Variants in TONSL observed in about 807,000 individuals in gnomAD.
TONSL encodes tonsoku-like protein.
Under a neutral mutation model 147.1 loss-of-function variants are expected in TONSL, and 112 were observed. The ratio of observed to expected loss-of-function variants is 0.76; its 90% CI spans 0.65 to 0.89. TONSL has a LOEUF of 0.89. Among genes scored for constraint, TONSL ranks in the 40% least tolerant of loss-of-function variants. TONSL has a pLI of 0.00. For missense variants in TONSL, 1,883 were observed against 1,864.6 expected, an observed-to-expected ratio of 1.01 and a Z score of -0.18; for synonymous variants, 868 against 801.5, an observed-to-expected ratio of 1.08 and a Z score of -1.40.
In TONSL at chr8:144,432,356, C is replaced by G. The variant is rs782133688; in HGVS notation, c.3664G>C (p.Glu1222Gln). The change falls in exon 23 of 26, where the codon GAG becomes CAG. Residue 1222 changes from glutamate (E) to glutamine (Q), a missense_variant. Physicochemically the swap from Glu to Gln is conservative, Grantham distance 29 (BLOSUM62 2). Coordinates refer to ENST00000409379, the MANE Select transcript of TONSL (RefSeq NM_013432.5). ...SLPAGTLLHL[E>Q]LSSVAAGKGD... ...TTGCCGGCTGCCACGGAGCTGAGCT[C>G]TAAGTGCAGGAGGGTGCCGGCGGGC... The G allele has an allele frequency of 6.2e-7, 1 of 1,613,436 alleles. No individual in the cohort carries two copies. The highest frequency in any genetic ancestry group is 1.3e-5 in the African/African-American group (1 of 74,908).
At position 144,441,059 on chromosome 8, in the gene TONSL, G is replaced by T. The variant is rs1013905857; in HGVS notation, c.918C>A (p.Asp306Glu). The change falls in exon 8 of 26, where the codon GAC (aspartate) becomes GAA (glutamate). Residue 306 changes from aspartate to glutamate, a missense_variant. Transcript: ENST00000409379. ...QQQLEEAEGR[D>E]PQGAMVICEQ... ...CACAGATGACCATGGCACCCTGAGG[G>T]TCTCTGCCCTCAGCCTCTTCCAGCT... The T allele has an allele frequency of 3.1e-6, 5 of 1,612,802 alleles. No individual in the cohort carries two copies. Among genetic ancestry groups the T allele is most frequent in the African/African-American group, 2.7e-5 (2 of 74,914 alleles).
intron 13 of TONSL, 30 bp downstream of exon 13, chr8:144,438,441 G>A: frequency 1.2e-6 from 2 of 1,605,744 alleles, no homozygotes; most frequent in Non-Finnish European, 1.7e-6. Flanking sequence ...ATGCTAGGCA[G>A]CCTGTCCCAC....
Position 144,433,561 on chromosome 8 carries a change from T to C in TONSL, c.3559+27A>G, listed in dbSNP as rs149091726. ...CCCTCAATGCCCCAGGGCTAGGGAG[T>C]GGACAGGGAGTGCCTGGTCAGCTCA... On this transcript the variant is annotated intron_variant, in intron 22 of 25. Coordinates refer to ENST00000409379, the MANE Select transcript of TONSL (RefSeq NM_013432.5). 2.5e-4 allele frequency: 410 copies of C among 1,609,226 alleles called. 3 individuals carry two copies. In the African/African-American group the frequency reaches 5.0e-3, roughly 20 times the overall value.
intron 4 of TONSL, 98 bp downstream of exon 4, chr8:144,443,040 C>T (rs1823779283): frequency 1.4e-6 from 2 of 1,406,132 alleles, no homozygotes; most frequent in Admixed American, 2.3e-5. Flanking sequence ...GGGAGGGCTC[C>T]AGAAGACGGG....
Position 144,442,711 on chromosome 8 carries a change from T to C in TONSL, c.544A>G (p.Asn182Asp). 6.2e-7 allele frequency: 1 copy of C among 1,612,980 alleles called. No individual in the cohort carries two copies. Among genetic ancestry groups the C allele is most frequent in the Non-Finnish European group, 8.5e-7 (1 of 1,179,918 alleles). Residue 182 changes from asparagine to aspartate, a missense_variant, in exon 5 of 26, where the codon AAC (asparagine) becomes GAC (aspartate). Asn to Asp is a conservative substitution (Grantham distance 23). Coordinates refer to ENST00000409379, the MANE Select transcript of TONSL (RefSeq NM_013432.5). ...AAGATGCTCTTCCTGAAGTAATCGT[T>C]GCACAGGGCTGTCTGCTGCAGGCTC... is the stretch of plus-strand genomic sequence containing the variant. ...FESLQQTALC[N>D]DYFRKSIFLA... is the part of the protein sequence containing the mutation.
rs370640264 is a variant in TONSL at position 144,431,073 on chromosome 8, G to A, written c.3809+5C>T. Reference sequence around the variant, plus strand: ...GGTCAGCAGGCAGCAGGGAAAGGGCGTTACCTGCACAGGTCTCTAACAGCC... The same window carrying A: ...GGTCAGCAGGCAGCAGGGAAAGGGCATTACCTGCACAGGTCTCTAACAGCC... On this transcript the variant is annotated splice_donor_5th_base_variant and intron_variant, in intron 24 of 25. Coordinates refer to ENST00000409379, the MANE Select transcript of TONSL (RefSeq NM_013432.5). 6.1e-4 allele frequency: 982 copies of A among 1,613,958 alleles called. 3 individuals are homozygous for A. The highest frequency in any genetic ancestry group is 8.0e-4 in the Non-Finnish European group (946 of 1,179,958).
In TONSL at chr8:144,433,817, T is replaced by C. The variant is rs554155655; in HGVS notation, c.3388-58A>G. On this transcript the variant is annotated intron_variant, in intron 21 of 25. Coordinates refer to ENST00000409379, the MANE Select transcript of TONSL (RefSeq NM_013432.5). ...AGCAGTCCCACGGACAGGGTCCCCC[T>C]TGGGGCTTGGCTTGGCAGTCTCTTC... 7 of 1,508,542 alleles carry C rather than the reference T, an allele frequency of 4.6e-6. No homozygotes were observed. The African/African-American group carries it at 9.8e-5, about 21-fold the overall frequency. The allele number at this position is 1,508,542 out of a possible 1,614,324, so 93.4% of individuals were successfully genotyped here. A position where few individuals can be genotyped will look rare whatever the true frequency, so the allele number is the denominator to read the frequency against.
rs1299208746 is a variant in TONSL, at chr8:144,442,825, A to G, written c.449-19T>C. ...AGTGTCCCTGGAAGATACCCCCCCA[A>G]ACACTCAGCCACTTCCTCCCCACAT... On this transcript the variant is annotated intron_variant, in intron 4 of 25. Transcript: ENST00000409379. The G allele has an allele frequency of 1.2e-6, 2 of 1,603,694 alleles. No individual in the cohort carries two copies. Among genetic ancestry groups the G allele is most frequent in the African/African-American group, 2.7e-5 (2 of 74,568 alleles).
At chr8:144,432,564 C>T (rs566957020) in intron 22 of TONSL, 104 bp from the exon 23 acceptor site, 33 of 1,169,396 alleles carry the variant, frequency 2.8e-5, no homozygotes, top group Admixed American at 2.4e-4. Context: ...AAACCACTAC[C>T]GCAGTGCTCG....
At chr8:144,441,824 C>A (rs1350203352) in intron 7 of TONSL, 11 of 534,426 alleles carry the variant, frequency 2.1e-5, no homozygotes, top group Non-Finnish European at 3.6e-5. Context: ...GCCCCTGACA[C>A]ACTGTGTTGA....
rs753360396 is a variant in TONSL at position 144,442,656 on chromosome 8, T to C, written c.578+21A>G. 3.1e-6 allele frequency: 5 copies of C among 1,608,064 alleles called. No individual in the cohort carries two copies. In the South Asian group the frequency reaches 5.5e-5, roughly 18 times the overall value. On this transcript the variant is annotated intron_variant, in intron 5 of 25. Transcript: ENST00000409379. ...AGGAACAAGGGACTCCACTCCCTCC[T>C]GGGGCGGGGCAGGGCCTTACTCCGC...
chr8:144,435,646 C>A lies in TONSL; in HGVS notation c.2775+12G>T. 1 of 1,594,210 alleles carries A rather than the reference C, an allele frequency of 6.3e-7. No homozygotes were observed. The highest frequency in any genetic ancestry group is 1.1e-5 in the South Asian group (1 of 89,878). Reference sequence around the variant, plus strand: ...GTGGGGAGAGGGCTCTGCTCCAGGTCTGCATACCCACCAAGGGCTGGCCTG... The same window carrying A: ...GTGGGGAGAGGGCTCTGCTCCAGGTATGCATACCCACCAAGGGCTGGCCTG... On this transcript the variant is annotated intron_variant, in intron 17 of 25. Coordinates refer to ENST00000409379, the MANE Select transcript of TONSL (RefSeq NM_013432.5).
chr8:144,443,928 A>G lies in TONSL; in HGVS notation c.218T>C (p.Ile73Thr). The change falls in exon 3 of 26, where the codon ATC becomes ACC. Residue 73 changes from isoleucine (I) to threonine (T), a missense_variant. Coordinates refer to ENST00000409379, the MANE Select transcript of TONSL (RefSeq NM_013432.5). ...PLGCAVAHRK[I>T]GERLAEMEDY... ...CTCCATCTCGGCCAGGCGCTCTCCG[A>G]TCTTGCGGTGGGCCACGGCACAGCC... 6.5e-7 allele frequency: 1 copy of G among 1,544,918 alleles called. No individual in the cohort carries two copies. The highest frequency in any genetic ancestry group is 1.4e-5 in the African/African-American group (1 of 73,150).
chr8:144,433,803 G>A (rs781915337), intron 21 of TONSL, 44 bp from the exon 22 acceptor site: 39 of 1,525,608 alleles, frequency 2.6e-5, no homozygotes, highest in Admixed American at 1.5e-4. Context: ...GCAGTCCCAC[G>A]GACAGGGTCC....
Position 144,436,678 on chromosome 8 carries a change from G to A in TONSL, c.1894C>T (p.Leu632Phe). The A allele has an allele frequency of 2.5e-6, 4 of 1,611,968 alleles. No individual in the cohort carries two copies. Among genetic ancestry groups the A allele is most frequent in the East Asian group, 2.2e-5 (1 of 44,890 alleles). Residue 632 changes from leucine (L) to phenylalanine (F), a missense_variant, in exon 16 of 26, where the codon CTC becomes TTC. Leu to Phe is a conservative substitution (Grantham distance 22, BLOSUM62 0). Transcript: ENST00000409379. ...ASVTLRTRKG[L>F]SPLETLQQWV... Reference sequence around the variant, plus strand: ...TGCTGCAGCGTCTCCAGCGGGCTGAGGCCCTGTGTGGCATCAGTTGAGCAG... The same window carrying A: ...TGCTGCAGCGTCTCCAGCGGGCTGAAGCCCTGTGTGGCATCAGTTGAGCAG...
rs756684537 is a variant in TONSL, at chr8:144,435,700, G to A, written c.2733C>T (p.Val911=). The A allele has an allele frequency of 6.2e-7, 1 of 1,611,216 alleles. No homozygotes were observed. Among genetic ancestry groups the A allele is most frequent in the South Asian group, 1.1e-5 (1 of 91,050 alleles). ...CAGAGCTGTCCCCACTGGGCTCTGAGACCCTGGGGGTGCTGGGGCTCCCTG... is the reference window on the plus strand; with the variant it reads ...CAGAGCTGTCCCCACTGGGCTCTGAAACCCTGGGGGTGCTGGGGCTCCCTG... The part of the protein sequence containing the change: ...EPPGSPSTPR[V]SEPSGDSSAA... The change falls in exon 17 of 26, where the codon GTC becomes GTT. Residue 911 remains valine (V), a synonymous_variant. Coordinates refer to ENST00000409379, the MANE Select transcript of TONSL (RefSeq NM_013432.5).
chr8:144,433,267 G>A (rs1175357353), intron 22 of TONSL: 2 of 215,754 alleles, frequency 9.3e-6, no homozygotes, highest in South Asian at 7.1e-5. Flanking sequence ...TAATAGAGAC[G>A]GCGTTTCACC....
rs772291883 is a variant in TONSL, at chr8:144,435,766, C to T, written c.2667G>A (p.Ala889=). 1.7e-5 allele frequency: 28 copies of T among 1,612,754 alleles called. No homozygotes were observed. Among genetic ancestry groups the T allele is most frequent in the Middle Eastern group, 1.6e-4 (1 of 6,084 alleles). The change falls in exon 17 of 26, where the codon GCG becomes GCA. Residue 889 remains alanine (A), a synonymous_variant. Transcript: ENST00000409379. ...VRLTCMQSCS[A]PVNAGPSSLA... ...GGCTGCTGGGCCCTGCGTTAACTGG[C>T]GCACTGCAACTCTGCATGCAGGTCA... is the stretch of plus-strand genomic sequence containing the variant.
chr8:144,438,515 A>G lies in TONSL; in HGVS notation c.1609T>C (p.Cys537Arg), dbSNP rs2129662925. 1 of 1,613,042 alleles carries G rather than the reference A, an allele frequency of 6.2e-7. No individual in the cohort carries two copies. Among genetic ancestry groups the G allele is most frequent in the Non-Finnish European group, 8.5e-7 (1 of 1,179,922 alleles). The change falls in exon 13 of 26, where the codon TGC becomes CGC. Residue 537 changes from cysteine (C) to arginine (R), a missense_variant. Transcript: ENST00000409379. ...DMGETLLHRA[C>R]IEGQLRRVQD... ...ACGCGGCGCAGCTGGCCCTCGATGC[A>G]GGCTCGGTGCAGCAGGGTCTCCCCC...
Sources: gnomAD v4.1 joint callset for allele counts on GRCh38, gnomAD v4.1.1 for gene constraint, MANE v1.5 for transcripts, NCBI Gene and HGNC (gene_info 2026-07-23, HGNC 2026-07-21) for gene names.